Variants in GNAQ observed in about 807,000 individuals in gnomAD.
GNAQ encodes guanine nucleotide-binding protein G(q) subunit alpha.
In GNAQ, 8 loss-of-function variants were observed where a neutral mutation model predicts 43.9. The observed-to-expected ratio is 0.18, with a 90% CI of 0.11 to 0.33. The LOEUF (loss-of-function observed/expected upper bound fraction) is 0.33, where lower values mean the gene tolerates loss of function less well. Among genes scored for constraint, GNAQ ranks in the 10% least tolerant of loss-of-function variants. The probability of loss-of-function intolerance (pLI) is 1.00; values close to 1 mark genes in which losing one functional copy is unlikely to be tolerated. For missense variants in GNAQ, 158 were observed against 450.8 expected (o/e 0.35, Z 5.88); for synonymous variants, 155 against 170.7 (o/e 0.91, Z 0.71).
chr9:77,863,856 T>C (rs957044118), intron 2 of GNAQ, among the ~76,000 whole-genome samples: 11 of 152,232 alleles, frequency 7.2e-5, no homozygotes, highest in Admixed American at 2.0e-4. Context: ...ATGAGACTTA[T>C]TCATGATCAC....
intron 5 of GNAQ, among the ~76,000 whole-genome samples, chr9:77,794,260 T>C (rs150650244): frequency 6.6e-6 from 1 of 152,276 alleles, no homozygotes; most frequent in African/African-American, 2.4e-5. Context: ...TAGGCTCTAA[T>C]TAGATTTGAA....
Position 77,984,546 on chromosome 9 carries a change from CA to C in GNAQ, c.136+46553del, listed in dbSNP as rs549874566. Reference sequence around the variant, plus strand: ...AAGTCCTTGGAAAAGATAAGATTCCCAAAAGTATGAATTCGCATAATTTTTG... The same window carrying C: ...AAGTCCTTGGAAAAGATAAGATTCCCAAAGTATGAATTCGCATAATTTTTG... On this transcript the variant is annotated intron_variant, in intron 1 of 6. Coordinates refer to ENST00000286548, the MANE Select transcript of GNAQ (RefSeq NM_002072.5). Among the ~76,000 whole-genome samples, 264 of 152,240 alleles carry C rather than the reference CA, an allele frequency of 1.7e-3. 1 individual carries two copies. The highest frequency in any genetic ancestry group is 6.0e-3 in the African/African-American group (251 of 41,544).
chr9:77,809,165 A>C (rs796508871), intron 3 of GNAQ, among the ~76,000 whole-genome samples: 15 of 152,344 alleles, frequency 9.8e-5, no homozygotes, highest in Admixed American at 2.6e-4. Context: ...ATGTTGACTT[A>C]TGCCAAAAAG....
chr9:77,767,298 C>A (rs1290313683), intron 5 of GNAQ, among the ~76,000 whole-genome samples: 1 of 152,092 alleles, frequency 6.6e-6, no homozygotes, highest in African/African-American at 2.4e-5. Context: ...GCATCCCTGA[C>A]CTCTCCTACT....
At chr9:77,990,703 C>G (rs558549846) in intron 1 of GNAQ, among the ~76,000 whole-genome samples, 50 of 152,266 alleles carry the variant, frequency 3.3e-4, no homozygotes, top group Admixed American at 7.2e-4. Flanking sequence ...GAGACAATAG[C>G]GTAAGTATAA....
At chr9:77,985,201 A>C (rs1823420168) in intron 1 of GNAQ, among the ~76,000 whole-genome samples, 1 of 152,118 alleles carries the variant, frequency 6.6e-6, no homozygotes, top group Non-Finnish European at 1.5e-5. Context: ...TCCCAGCTAT[A>C]GGCTGGGAGG....
chr9:77,965,245 CCACAGAATCCT>C (rs1823152129), intron 1 of GNAQ, among the ~76,000 whole-genome samples: 1 of 152,086 alleles, frequency 6.6e-6, no homozygotes, highest in East Asian at 1.9e-4. Context: ...GCACCCACAC[CCACAGAATCCT>C]CACGAATCAA....
intron 1 of GNAQ, among the ~76,000 whole-genome samples, chr9:78,015,525 C>A (rs553520173): frequency 6.6e-6 from 1 of 152,170 alleles, no homozygotes; most frequent in African/African-American, 2.4e-5. Flanking sequence ...AGATTAGCAG[C>A]AAATATCAGT....
chr9:77,879,468 T>G (rs971522379), intron 2 of GNAQ, among the ~76,000 whole-genome samples: 1 of 152,106 alleles, frequency 6.6e-6, no homozygotes, highest in Non-Finnish European at 1.5e-5. Flanking sequence ...CACGTTGGCC[T>G]CAAACTCCTG....
rs553726918 is a variant in GNAQ at position 78,011,243 on chromosome 9, A to G, written c.136+19857T>C. Among the ~76,000 whole-genome samples the G allele has an allele frequency of 9.8e-5, 15 of 152,304 alleles. No homozygotes were observed. The East Asian group carries it at 2.3e-3, about 24-fold the overall frequency. On this transcript the variant is annotated intron_variant, in intron 1 of 6. Transcript: ENST00000286548. The stretch of plus-strand genomic sequence containing the variant: ...CTACTCAGACAACTGAACAGCTAAA[A>G]ATAGAATATATACCATCATCTTCCA...
chr9:77,966,747 C>T (rs1823172540), intron 1 of GNAQ, among the ~76,000 whole-genome samples: 1 of 152,148 alleles, frequency 6.6e-6, no homozygotes, highest in African/African-American at 2.4e-5. Flanking sequence ...CACTCTGTGA[C>T]TACCAAATCG....
At chr9:77,801,638 T>C (rs915884131) in intron 3 of GNAQ, among the ~76,000 whole-genome samples, 1 of 152,208 alleles carries the variant, frequency 6.6e-6, no homozygotes, top group Non-Finnish European at 1.5e-5. Flanking sequence ...TAAATTAATC[T>C]AGCTTAACAA....
intron 4 of GNAQ, among the ~76,000 whole-genome samples, 154 bp downstream of exon 4, chr9:77,797,366 G>C (rs1258358364): frequency 6.6e-6 from 1 of 151,978 alleles, no homozygotes. Context: ...CCTCCCTCAG[G>C]GATATGTCAT....
At chr9:78,013,520 G>T (rs1253508329) in intron 1 of GNAQ, among the ~76,000 whole-genome samples, 1 of 150,330 alleles carries the variant, frequency 6.7e-6, no homozygotes, top group Non-Finnish European at 1.5e-5. Context: ...GCGTCCATGT[G>T]TTCTCATTTC....
chr9:77,954,839 C>T (rs1823022816), intron 1 of GNAQ, among the ~76,000 whole-genome samples: 1 of 152,162 alleles, frequency 6.6e-6, no homozygotes, highest in African/African-American at 2.4e-5. Flanking sequence ...CCAGTCATTC[C>T]TGTGTTAACC....
chr9:77,896,527 C>T (rs966856023), intron 2 of GNAQ, among the ~76,000 whole-genome samples: 18 of 152,054 alleles, frequency 1.2e-4, no homozygotes, highest in African/African-American at 4.1e-4. Context: ...TTTTATACAA[C>T]GACAATGCCA....
intron 2 of GNAQ, among the ~76,000 whole-genome samples, chr9:77,872,478 T>A (rs1210304628): frequency 6.6e-6 from 1 of 152,170 alleles, no homozygotes; most frequent in East Asian, 1.9e-4. Flanking sequence ...TAAATTATAA[T>A]TAATATACAT....
At chr9:77,795,763 A>G (rs953801008) in intron 4 of GNAQ, among the ~76,000 whole-genome samples, 1 of 152,182 alleles carries the variant, frequency 6.6e-6, no homozygotes, top group African/African-American at 2.4e-5. Context: ...TACGCTACTA[A>G]TTTACGTGAA....
chr9:77,739,400 T>C (rs1480839784), intron 5 of GNAQ, among the ~76,000 whole-genome samples: 3 of 152,198 alleles, frequency 2.0e-5, no homozygotes, highest in Non-Finnish European at 4.4e-5. Context: ...CTCTTAATGT[T>C]TTGTTATAAA....
Sources: allele counts gnomAD v4.1 joint callset (sites outside exome capture counted in the v4.1 genomes callset), GRCh38; gene constraint gnomAD v4.1.1; transcripts MANE v1.5; gene names NCBI Gene and HGNC (gene_info 2026-07-23, HGNC 2026-07-21).